IDE: variants seen among roughly 807,000 people sequenced by gnomAD.
The protein encoded by IDE is insulin degrading enzyme, also known as insulin-degrading enzyme.
A neutral mutation model predicts 133.2 loss-of-function variants in IDE; 58 were observed. The ratio of observed to expected loss-of-function variants is 0.44; its 90% confidence interval spans 0.35 to 0.54. The LOEUF is 0.54. Among genes scored for constraint, IDE ranks in the 20% least tolerant of loss-of-function variants. The pLI is 0.00. For synonymous variants in IDE, 396 were observed against 421.3 expected, an observed-to-expected ratio of 0.94 and a Z score of 0.73; for missense variants, 981 against 1,234.0, an observed-to-expected ratio of 0.79 and a Z score of 3.07.
intron 4 of IDE, among the ~76,000 whole-genome samples, chr10:92,527,713 T>C (rs1216152245): frequency 2.0e-5 from 3 of 152,194 alleles, no homozygotes; most frequent in East Asian, 3.9e-4. Flanking sequence ...TTTCCTGTAA[T>C]TGATTATTGA....
At chr10:92,461,991 C>T (rs1019673882) in intron 21 of IDE, among the ~76,000 whole-genome samples, 4 of 149,528 alleles carry the variant, frequency 2.7e-5, no homozygotes, top group South Asian at 2.3e-4. Flanking sequence ...CACATTTTTA[C>T]GTGACCATTT....
intron 4 of IDE, among the ~76,000 whole-genome samples, chr10:92,523,885 A>G (rs1214209479): frequency 6.6e-6 from 1 of 152,024 alleles, no homozygotes; most frequent in Non-Finnish European, 1.5e-5. Flanking sequence ...TTGCTCCCAC[A>G]GTGTCGGTAG....
chr10:92,518,807 A>G (rs1849061965), intron 4 of IDE, among the ~76,000 whole-genome samples: 1 of 152,216 alleles, frequency 6.6e-6, no homozygotes, highest in Non-Finnish European at 1.5e-5. Flanking sequence ...ACACACAATA[A>G]AATACTATTT....
At chr10:92,468,267 T>C (rs1020067004) in intron 19 of IDE, among the ~76,000 whole-genome samples, 1 of 152,026 alleles carries the variant, frequency 6.6e-6, no homozygotes, top group Admixed American at 6.6e-5. Context: ...ACAATCAAGC[T>C]TGGCCAAAAA....
At position 92,524,516 on chromosome 10, in the gene IDE, T is replaced by TATATTTTATATAATATATAAA. The variant is rs1564648502; in HGVS notation, c.661+7231_661+7232insTTTATATATTATATAAAATAT. On this transcript the variant is annotated intron_variant, in intron 4 of 24. Transcript: ENST00000265986. ...ATAATATATTTTATATAATATATAA[T>TATATTTTATATAATATATAAA]ATATATTATATTATAATATATTTTA... Among the ~76,000 whole-genome samples, 11 of 47,078 alleles carry TATATTTTATATAATATATAAA rather than the reference T, an allele frequency of 2.3e-4. 1 individual carries two copies. Among genetic ancestry groups the TATATTTTATATAATATATAAA allele is most frequent in the South Asian group, 2.2e-3 (4 of 1,824 alleles). 30.9% of individuals were successfully genotyped at this position (47,078 alleles called of 152,430 possible).
chr10:92,510,844 C>T (rs747866932), intron 5 of IDE, among the ~76,000 whole-genome samples: 27 of 148,836 alleles, frequency 1.8e-4, no homozygotes, highest in Middle Eastern at 3.5e-3. Flanking sequence ...ACATATCACA[C>T]ATATGATATA....
intron 1 of IDE, among the ~76,000 whole-genome samples, chr10:92,565,436 A>G (rs975168528): frequency 2.6e-5 from 4 of 151,412 alleles, no homozygotes; most frequent in African/African-American, 9.7e-5. Flanking sequence ...GAAAAGAAAG[A>G]AAGAAATGGT....
chr10:92,456,561 G>A lies in IDE; in HGVS notation c.2824-130C>T, dbSNP rs186983248. The stretch of plus-strand genomic sequence containing the variant: ...AGAAAAGATGCTTCCCTTTCTGGCC[G>A]GGTGCAGTGGCTCATGCCTGTAATC... On this transcript the variant is annotated intron_variant, in intron 22 of 24. Coordinates refer to ENST00000265986, the MANE Select transcript of IDE (RefSeq NM_004969.4). The A allele has an allele frequency of 1.1e-3, 803 of 698,564 alleles. 3 individuals carry two copies. The highest frequency in any genetic ancestry group is 1.8e-3 in the Non-Finnish European group (697 of 392,532). 43.3% of individuals were successfully genotyped at this position (698,564 alleles called of 1,614,324 possible).
At chr10:92,539,913 T>C (rs1014965847) in intron 1 of IDE, among the ~76,000 whole-genome samples, 4 of 152,060 alleles carry the variant, frequency 2.6e-5, no homozygotes, top group African/African-American at 9.7e-5. Flanking sequence ...AAATGGTCTA[T>C]TTTAGACTCT....
intron 9 of IDE, 66 bp from the exon 10 acceptor site, chr10:92,506,588 T>A (rs1011726766): frequency 1.5e-5 from 11 of 743,748 alleles, no homozygotes; most frequent in African/African-American, 5.3e-5. Context: ...TTTTTTTTTT[T>A]AAGTGTTTGG....
At chr10:92,524,412 T>TTATATATAATATATTTTATATAATA (rs1849447147) in intron 4 of IDE, among the ~76,000 whole-genome samples, 1 of 36,790 alleles carries the variant, frequency 2.7e-5, no homozygotes, top group East Asian at 5.7e-4. Flanking sequence ...ATAATATATA[T>TTATATATAATATATTTTATATAATA]TATATTATAT....
At chr10:92,473,110 T>G (rs991697374) in intron 17 of IDE, among the ~76,000 whole-genome samples, 4 of 151,412 alleles carry the variant, frequency 2.6e-5, no homozygotes, top group Admixed American at 2.0e-4. Context: ...GCCCGGCTAA[T>G]TTTTTGTATT....
intron 4 of IDE, among the ~76,000 whole-genome samples, chr10:92,521,150 A>G (rs956911258): frequency 6.6e-5 from 10 of 152,228 alleles, no homozygotes; most frequent in African/African-American, 2.4e-4. Flanking sequence ...AAGTTAATCA[A>G]AAGAGATGGA....
At chr10:92,472,759 C>T (rs1846032163) in intron 17 of IDE, among the ~76,000 whole-genome samples, 2 of 151,368 alleles carry the variant, frequency 1.3e-5, no homozygotes, top group African/African-American at 2.4e-5. Flanking sequence ...CTGCCTCAGC[C>T]TACCAAGTAG....
At chr10:92,531,009 A>G (rs12258487) in intron 4 of IDE, among the ~76,000 whole-genome samples, 17,512 of 152,172 alleles carry the variant, frequency 0.12, 1,978 homozygotes, top group African/African-American at 0.29. Context: ...ATGTACTTTT[A>G]TAATACCCAA....
At chr10:92,510,468 T>C (rs936370718) in intron 5 of IDE, among the ~76,000 whole-genome samples, 2 of 152,184 alleles carry the variant, frequency 1.3e-5, no homozygotes, top group Admixed American at 1.3e-4. Flanking sequence ...TAGAGTATAA[T>C]GTTCACCTTA....
intron 24 of IDE, among the ~76,000 whole-genome samples, 169 bp from the exon 25 acceptor site, chr10:92,454,708 G>C (rs1039668883): frequency 3.3e-5 from 5 of 152,158 alleles, no homozygotes; most frequent in African/African-American, 1.2e-4. Flanking sequence ...TTGATCTGCT[G>C]ACCTTTCTTC....
intron 8 of IDE, 30 bp downstream of exon 8, chr10:92,508,083 T>C (rs1256892101): frequency 6.7e-7 from 1 of 1,493,198 alleles, no homozygotes; most frequent in East Asian, 2.3e-5. Flanking sequence ...AAATTTTCAT[T>C]CAAAAGTAAA....
Position 92,532,244 on chromosome 10 carries a change from T to C in IDE, c.492-327A>G, listed in dbSNP as rs547055356. Among the ~76,000 whole-genome samples the C allele has an allele frequency of 6.0e-5, 9 of 150,794 alleles. No homozygotes were observed. In the South Asian group the frequency reaches 1.9e-3, roughly 32 times the overall value. On this transcript the variant is annotated intron_variant, in intron 3 of 24. Transcript: ENST00000265986. ...TTTAATTTGGTACGTCTATAAAAAC[T>C]TTGTTACATGTGGCTAATGCTCCAA... is the stretch of plus-strand genomic sequence containing the variant.
Sources: allele counts gnomAD v4.1 joint callset (sites outside exome capture counted in the v4.1 genomes callset), GRCh38; gene constraint gnomAD v4.1.1; transcripts MANE v1.5; gene names NCBI Gene and HGNC (gene_info 2026-07-23, HGNC 2026-07-21).